EIF2S3B: variants seen among roughly 807,000 people sequenced by gnomAD.
EIF2S3B encodes eukaryotic translation initiation factor 2 subunit gamma B, also known as eukaryotic translation initiation factor 2 subunit 3B.
In EIF2S3B, 16 loss-of-function variants were observed where a neutral mutation model predicts 26.4. That is an observed-to-expected ratio of 0.61 (90% CI 0.41 to 0.92). EIF2S3B has a LOEUF of 0.92. EIF2S3B is among the 40% of genes least tolerant of loss of function. The pLI is 0.00. For synonymous variants in EIF2S3B, 183 were observed against 204.4 expected (o/e 0.90, Z 0.89); for missense variants, 510 against 575.5 (o/e 0.89, Z 1.16).
rs1258669895 is a variant in EIF2S3B at position 10,506,074 on chromosome 12, G to A, written c.172G>A (p.Val58Ile). The change falls in exon 1 of 1, where the codon GTC becomes ATC. Residue 58 changes from valine to isoleucine, a missense_variant. By Grantham distance (29) the Val-to-Ile change is conservative (BLOSUM62 3). Transcript: ENST00000538173. ...TGTAGCTCATGGGAAATCCACAGTC[G>A]TCAAAGCTATTTCTGGAGTTCACAC... Reference protein sequence around the residue: ...GHVAHGKSTVVKAISGVHTVR... With the variant: ...GHVAHGKSTVIKAISGVHTVR... 2.5e-6 allele frequency: 4 copies of A among 1,600,908 alleles called. No homozygotes were observed. Among genetic ancestry groups the A allele is most frequent in the South Asian group, 2.2e-5 (2 of 90,802 alleles).
At position 10,505,944 on chromosome 12, in the gene EIF2S3B, C is replaced by G. The variant is rs766328915; in HGVS notation, c.42C>G (p.His14Gln). ...GEAGVTLGQP[H>Q]LSRQDLTTLD... ...CTGGGGTGACTCTGGGGCAGCCGCA[C>G]CTTTCGCGTCAGGATCTCACCACCT... The change falls in exon 1 of 1, where the codon CAC becomes CAG. Residue 14 changes from histidine to glutamine, a missense_variant. His to Gln is a conservative substitution (Grantham distance 24, BLOSUM62 0). Transcript: ENST00000538173. The G allele has an allele frequency of 3.1e-6, 5 of 1,602,784 alleles. No homozygotes were observed. The highest frequency in any genetic ancestry group is 4.3e-6 in the Non-Finnish European group (5 of 1,169,672).
intron 1 of EIF2S3B, among the ~76,000 whole-genome samples, chr12:10,521,490 T>C (rs1864832400): frequency 6.6e-6 from 1 of 152,116 alleles, no homozygotes; most frequent in Non-Finnish European, 1.5e-5. Context: ...TTCAAATCCA[T>C]ATATGTGTAT....
At position 10,506,253 on chromosome 12, in the gene EIF2S3B, T is replaced by G; in HGVS notation, c.351T>G (p.Ile117Met). The G allele has an allele frequency of 6.2e-7, 1 of 1,612,208 alleles. No individual in the cohort carries two copies. Among genetic ancestry groups the G allele is most frequent in the Non-Finnish European group, 8.5e-7 (1 of 1,178,252 alleles). ...SSMPDEFPTDIPGTKGNFRLV... is the reference protein window; with the variant it reads ...SSMPDEFPTDMPGTKGNFRLV... ...TGCCTGATGAGTTTCCTACAGACAT[T>G]CCAGGAACCAAAGGGAACTTCAGAT... Residue 117 changes from isoleucine (I) to methionine (M), a missense_variant, in exon 1 of 1, where the codon ATT becomes ATG. Transcript: ENST00000538173.
chr12:10,511,586 AT>A (rs1864704835), downstream of EIF2S3B, among the ~76,000 whole-genome samples: 1 of 152,176 alleles, frequency 6.6e-6, no homozygotes, highest in South Asian at 2.1e-4. Context: ...TATAAATTAT[AT>A]TTTTCAGTAT....
intron 1 of EIF2S3B, among the ~76,000 whole-genome samples, chr12:10,513,730 T>C (rs1864727465): frequency 1.3e-5 from 2 of 152,158 alleles, no homozygotes; most frequent in Admixed American, 6.6e-5. Flanking sequence ...AAGAATCATA[T>C]AAGGCCGGGC....
rs531362890 is a variant in EIF2S3B, at chr12:10,507,545, G to C, written c.*224G>C. ...TAATGTTGGATTGAATCTACATTTTGGCAGAAGTTAAGCATTCCCACATAA... is the reference window on the plus strand; with the variant it reads ...TAATGTTGGATTGAATCTACATTTTCGCAGAAGTTAAGCATTCCCACATAA... On this transcript the variant is annotated 3_prime_UTR_variant, in exon 1 of 1. Coordinates refer to ENST00000538173, the MANE Select transcript of EIF2S3B (RefSeq NM_001357734.3). The C allele has an allele frequency of 7.8e-5, 47 of 601,586 alleles. No homozygotes were observed. In the African/African-American group the frequency reaches 8.2e-4, roughly 10 times the overall value. 37.3% of individuals were successfully genotyped at this position (601,586 alleles called of 1,614,324 possible).
chr12:10,517,059 G>T (rs1405047989), intron 1 of EIF2S3B, among the ~76,000 whole-genome samples: 4 of 151,474 alleles, frequency 2.6e-5, no homozygotes, highest in African/African-American at 9.7e-5. Context: ...CAAGGATATT[G>T]GTCTAAAATT....
At chr12:10,514,794 C>CT (rs1864738426) in intron 1 of EIF2S3B, among the ~76,000 whole-genome samples, 1 of 152,068 alleles carries the variant, frequency 6.6e-6, no homozygotes, top group Non-Finnish European at 1.5e-5. Flanking sequence ...CCCATCATTG[C>CT]TTTTTTTCAT....
In EIF2S3B at chr12:10,506,431, A is replaced by G. The variant is rs1410601992; in HGVS notation, c.529A>G (p.Ile177Val). ...QPQTSEHLAA[I>V]EIMKLKHILI... Reference sequence around the variant, plus strand: ...TCAGACATCTGAACACCTGGCTGCTATAGAGATCATGAAACTGAAGCATAT... The same window carrying G: ...TCAGACATCTGAACACCTGGCTGCTGTAGAGATCATGAAACTGAAGCATAT... Residue 177 changes from isoleucine to valine, a missense_variant, in exon 1 of 1, where the codon ATA becomes GTA. Physicochemically the swap from Ile to Val is conservative, Grantham distance 29. Coordinates refer to ENST00000538173, the MANE Select transcript of EIF2S3B (RefSeq NM_001357734.3). 1.2e-6 allele frequency: 2 copies of G among 1,613,612 alleles called. No individual in the cohort carries two copies. Among genetic ancestry groups the G allele is most frequent in the South Asian group, 2.2e-5 (2 of 91,072 alleles).
chr12:10,507,135 G>T lies in EIF2S3B; in HGVS notation c.1233G>T (p.Leu411=). 1 of 1,613,848 alleles carries T rather than the reference G, an allele frequency of 6.2e-7. No individual in the cohort carries two copies. The highest frequency in any genetic ancestry group is 2.2e-5 in the East Asian group (1 of 44,890). The change falls in exon 1 of 1, where the codon CTG becomes CTT. Residue 411 remains leucine (L), a synonymous_variant. Transcript: ENST00000538173. ...TGCTCATGGTGAACATAGGATCCCTGTCGACAGGAGGGAGAGTTAGTGCTG... is the reference window on the plus strand; with the variant it reads ...TGCTCATGGTGAACATAGGATCCCTTTCGACAGGAGGGAGAGTTAGTGCTG... ...NEVLMVNIGS[L]STGGRVSAVK... is the part of the protein sequence containing the mutation.
In EIF2S3B at chr12:10,506,892, T is replaced by C. The variant is rs759649763; in HGVS notation, c.990T>C (p.Tyr330=). ...TTGCGGAGCATAATGATCTGCAATA[T>C]GCTGCTCCAGGCGGTCTTATTGGAG... ...SLFAEHNDLQ[Y]AAPGGLIGVG... The change falls in exon 1 of 1, where the codon TAT becomes TAC. Residue 330 remains tyrosine (Y), a synonymous_variant. Coordinates refer to ENST00000538173, the MANE Select transcript of EIF2S3B (RefSeq NM_001357734.3). 13 of 1,613,692 alleles carry C rather than the reference T, an allele frequency of 8.1e-6. No homozygotes were observed. The African/African-American group carries it at 1.6e-4, about 20-fold the overall frequency.
At chr12:10,521,901 G>C (rs780863533) in intron 1 of EIF2S3B, among the ~76,000 whole-genome samples, 1 of 152,184 alleles carries the variant, frequency 6.6e-6, no homozygotes, top group Non-Finnish European at 1.5e-5. Flanking sequence ...CTAGGAAGCA[G>C]TTCTAATCCT....
chr12:10,519,028 C>CA (rs1864798789), intron 1 of EIF2S3B, among the ~76,000 whole-genome samples: 1 of 149,174 alleles, frequency 6.7e-6, no homozygotes, highest in Non-Finnish European at 1.5e-5. Flanking sequence ...CATATGGAAC[C>CA]AAAAAAGAGC....
At chr12:10,517,599 C>T (rs1344853749) in intron 1 of EIF2S3B, among the ~76,000 whole-genome samples, 2 of 151,762 alleles carry the variant, frequency 1.3e-5, no homozygotes, top group African/African-American at 4.8e-5. Flanking sequence ...GTTTTTTGTG[C>T]CTCTATTTCC....
At chr12:10,510,246 G>C (rs2137945331), downstream of EIF2S3B, among the ~76,000 whole-genome samples, 1 of 152,222 alleles carries the variant, frequency 6.6e-6, no homozygotes, top group East Asian at 1.9e-4. Flanking sequence ...TTCCTCTGCA[G>C]GTAAAAGGTA....
chr12:10,514,698 T>C (rs1034517003), intron 1 of EIF2S3B, among the ~76,000 whole-genome samples: 22 of 152,230 alleles, frequency 1.4e-4, no homozygotes, highest in African/African-American at 3.4e-4. Context: ...TATGAAATTA[T>C]GGATTTCCTC....
At chr12:10,517,818 T>C (rs1029420550) in intron 1 of EIF2S3B, among the ~76,000 whole-genome samples, 3 of 152,224 alleles carry the variant, frequency 2.0e-5, no homozygotes, top group African/African-American at 7.2e-5. Flanking sequence ...GTGTCTTTGT[T>C]CTTGTTGGTT....
downstream of EIF2S3B, among the ~76,000 whole-genome samples, chr12:10,509,465 A>G (rs1181555947): frequency 6.6e-6 from 1 of 152,100 alleles, no homozygotes; most frequent in Non-Finnish European, 1.5e-5. Flanking sequence ...TTAGCTTTAA[A>G]AACACTTTCA....
chr12:10,520,053 A>G (rs1176529275), intron 1 of EIF2S3B, among the ~76,000 whole-genome samples: 19 of 149,304 alleles, frequency 1.3e-4, no homozygotes, highest in African/African-American at 4.6e-4. Context: ...ATAAAGACAC[A>G]TGCACACGTA....
Sources: gnomAD v4.1 joint callset for allele counts (sites outside exome capture counted in the v4.1 genomes callset) on GRCh38, gnomAD v4.1.1 for gene constraint, MANE v1.5 for transcripts, NCBI Gene and HGNC (gene_info 2026-07-23, HGNC 2026-07-21) for gene names.